The following OPTN variants were observed in gnomAD, a reference collection of about 807,000 sequenced individuals.
OPTN encodes the protein optineurin, also known as E3-14.7K-interacting protein.
Under a neutral mutation model 70.4 loss-of-function variants are expected in OPTN, and 54 were observed. The ratio of observed to expected loss-of-function variants is 0.77; its 90% CI spans 0.62 to 0.96. The LOEUF (loss-of-function observed/expected upper bound fraction) is 0.96. OPTN is among the 40% of genes least tolerant of loss of function. The pLI, the probability that OPTN is intolerant of heterozygous loss-of-function variation, is 0.00. For missense variants in OPTN, 624 were observed against 673.2 expected, an observed-to-expected ratio of 0.93 and a Z score of 0.81; for synonymous variants, 256 against 248.5, an observed-to-expected ratio of 1.03 and a Z score of -0.28.
intron 4 of OPTN, 55 bp from the exon 5 acceptor site, chr10:13,112,398 T>C: frequency 6.4e-7 from 1 of 1,555,696 alleles, no homozygotes. Context: ...CATGAGCCCA[T>C]GGTGCCCAGC....
At chr10:13,116,414 G>A (rs1833211760) in intron 6 of OPTN, 74 bp downstream of exon 6, 2 of 979,790 alleles carry the variant, frequency 2.0e-6, no homozygotes, top group Non-Finnish European at 1.7e-6. Flanking sequence ...GTCACCGGAG[G>A]TCAAATGTTG....
Position 13,132,054 on chromosome 10 carries a change from T to C in OPTN, c.1402-13T>C. ...CTAGGTACTAACTTCTGTATCTTTT[T>C]TTCCTCTAACAGATGGAAGTTTACT... On this transcript the variant is annotated splice_polypyrimidine_tract_variant and intron_variant, in intron 12 of 14. Transcript: ENST00000378747. 2 of 1,610,898 alleles carry C rather than the reference T, an allele frequency of 1.2e-6. No homozygotes were observed. Among genetic ancestry groups the C allele is most frequent in the Non-Finnish European group, 1.7e-6 (2 of 1,177,832 alleles).
chr10:13,113,814 T>C (rs893429794), intron 5 of OPTN, among the ~76,000 whole-genome samples: 1 of 151,986 alleles, frequency 6.6e-6, no homozygotes, highest in African/African-American at 2.4e-5. Flanking sequence ...TCCCAGCACT[T>C]TGGGAGGCTG....
At chr10:13,111,887 G>A (rs1227918523) in intron 4 of OPTN, among the ~76,000 whole-genome samples, 5 of 102,016 alleles carry the variant, frequency 4.9e-5, no homozygotes, top group East Asian at 3.3e-4. Flanking sequence ...TTGCTCTGTT[G>A]CCCAGGCTGG....
At chr10:13,114,784 A>AATTAT (rs1412435400) in intron 5 of OPTN, among the ~76,000 whole-genome samples, 3 of 104,658 alleles carry the variant, frequency 2.9e-5, no homozygotes, top group East Asian at 5.1e-4. Flanking sequence ...ATAATTATAT[A>AATTAT]ATTATATAAT....
intron 12 of OPTN, among the ~76,000 whole-genome samples, 155 bp downstream of exon 12, chr10:13,128,058 A>T (rs1446290349): frequency 6.6e-6 from 1 of 152,248 alleles, no homozygotes. Flanking sequence ...ACATTTGGAA[A>T]GTGCTCAGTG....
intron 1 of OPTN, among the ~76,000 whole-genome samples, chr10:13,106,368 G>A (rs1256802120): frequency 2.0e-5 from 3 of 152,190 alleles, no homozygotes; most frequent in Non-Finnish European, 2.9e-5. Context: ...GTGAGAAGAA[G>A]AGCAGTCTGT....
At chr10:13,134,796 G>A (rs975182963) in intron 14 of OPTN, among the ~76,000 whole-genome samples, 6 of 152,184 alleles carry the variant, frequency 3.9e-5, no homozygotes, top group African/African-American at 1.4e-4. Context: ...CCTGACCTCA[G>A]GTGACCCACC....
At chr10:13,125,344 C>G (rs1018629180) in intron 9 of OPTN, 74 bp from the exon 10 acceptor site, 4 of 1,517,864 alleles carry the variant, frequency 2.6e-6, no homozygotes, top group Admixed American at 1.7e-5. Context: ...TGTACATAAC[C>G]TTGGGGTTTG....
At chr10:13,127,945 T>G in intron 12 of OPTN, 42 bp downstream of exon 12, 1 of 1,604,450 alleles carries the variant, frequency 6.2e-7, no homozygotes, top group Non-Finnish European at 8.5e-7. Flanking sequence ...AGGCCAGCCC[T>G]GACTGTATTC....
rs773468540 is a variant in OPTN, at chr10:13,116,224, G to T, written c.553-43G>T. ...CTTCTTTTGACAAAGAATTTGTCTT[G>T]TAGACATATTGTGTTAAATCCCTTG... is the stretch of plus-strand genomic sequence containing the variant. On this transcript the variant is annotated intron_variant, in intron 5 of 14. Transcript: ENST00000378747. 4.1e-6 allele frequency: 5 copies of T among 1,232,046 alleles called. No individual in the cohort carries two copies. The East Asian group carries it at 1.2e-4, about 29-fold the overall frequency. 76.3% of individuals were successfully genotyped at this position (1,232,046 alleles called of 1,614,324 possible).
At chr10:13,107,421 C>T (rs1293103879) in intron 1 of OPTN, among the ~76,000 whole-genome samples, 1 of 145,748 alleles carries the variant, frequency 6.9e-6, no homozygotes, top group Non-Finnish European at 1.5e-5. Context: ...CTCTGTCGCC[C>T]ATGCTGGAGT....
intron 5 of OPTN, among the ~76,000 whole-genome samples, chr10:13,114,648 AT>A (rs1833081793): frequency 6.8e-6 from 1 of 147,960 alleles, no homozygotes; most frequent in Non-Finnish European, 1.5e-5. Flanking sequence ...CAGAGAAAAA[AT>A]ATATGTATCT....
rs188513434 is a variant in OPTN, at chr10:13,114,943, A to T, written c.553-1324A>T. Reference sequence around the variant, plus strand: ...GATATATCTATATTTATATATATTTATATATAGATATATCTATATTTATAT... The same window carrying T: ...GATATATCTATATTTATATATATTTTTATATAGATATATCTATATTTATAT... On this transcript the variant is annotated intron_variant, in intron 5 of 14. Coordinates refer to ENST00000378747, the MANE Select transcript of OPTN (RefSeq NM_001008212.2). Among the ~76,000 whole-genome samples, 39 of 41,732 alleles carry T rather than the reference A, an allele frequency of 9.3e-4. 2 individuals are homozygous for T. Among genetic ancestry groups the T allele is most frequent in the African/African-American group, 4.3e-3 (36 of 8,400 alleles). 27.4% of individuals were successfully genotyped at this position (41,732 alleles called of 152,430 possible). A position where few individuals can be genotyped will look rare whatever the true frequency, so the allele number is the denominator to read the frequency against.
chr10:13,100,386 A>T (rs2580914), intron 1 of OPTN, 84 bp downstream of exon 1: 147,504 of 152,246 alleles, frequency 0.97, 71,644 homozygotes, highest in East Asian at 1. Context: ...TGAAAACGGT[A>T]CCCGCCGCCC....
At chr10:13,129,623 C>T (rs1337392667) in intron 12 of OPTN, among the ~76,000 whole-genome samples, 6 of 152,140 alleles carry the variant, frequency 3.9e-5, no homozygotes, top group African/African-American at 1.4e-4. Flanking sequence ...CGTGAGCCAC[C>T]GTGCCTGGCC....
At chr10:13,135,572 C>T (rs556492207) in intron 14 of OPTN, among the ~76,000 whole-genome samples, 4 of 152,040 alleles carry the variant, frequency 2.6e-5, no homozygotes, top group Non-Finnish European at 4.4e-5. Context: ...ACTTTTGCCA[C>T]GCCACTGCTG....
chr10:13,126,713 A>T (rs2131518651), intron 11 of OPTN, among the ~76,000 whole-genome samples: 1 of 152,242 alleles, frequency 6.6e-6, no homozygotes, highest in Non-Finnish European at 1.5e-5. Flanking sequence ...GGACCCTGGA[A>T]TCATCAGCCT....
In OPTN at chr10:13,109,297, G is replaced by A. The variant is rs757802206; in HGVS notation, c.166+9G>A. The A allele has an allele frequency of 1.2e-6, 2 of 1,613,748 alleles. No individual in the cohort carries two copies. Among genetic ancestry groups the A allele is most frequent in the South Asian group, 2.2e-5 (2 of 91,066 alleles). ...GAACCACCAGCTGAAAGGTGAGCAG[G>A]GCTGGCCCCTGTGTGCCCCATTCAT... On this transcript the variant is annotated intron_variant, in intron 3 of 14. Coordinates refer to ENST00000378747, the MANE Select transcript of OPTN (RefSeq NM_001008212.2).
Sources: gnomAD v4.1 joint callset for allele counts (sites outside exome capture counted in the v4.1 genomes callset) on GRCh38, gnomAD v4.1.1 for gene constraint, MANE v1.5 for transcripts, NCBI Gene and HGNC (gene_info 2026-07-23, HGNC 2026-07-21) for gene names.